Variants in SH3KBP1 observed in about 807,000 individuals in gnomAD.
SH3KBP1 encodes the protein SH3 domain-containing kinase-binding protein 1.
SH3KBP1 carries 8 observed loss-of-function variants against 50.1 expected under a neutral mutation model. That is an observed-to-expected ratio of 0.16 (90% CI 0.09 to 0.29). The LOEUF (loss-of-function observed/expected upper bound fraction) is 0.29. Among genes scored for constraint, SH3KBP1 ranks in the 10% least tolerant of loss-of-function variants. The pLI is 1.00. For synonymous variants in SH3KBP1, 227 were observed against 218.6 expected, an observed-to-expected ratio of 1.04 and a Z score of -0.34; for missense variants, 377 against 535.2, an observed-to-expected ratio of 0.70 and a Z score of 2.92.
chrX:19,738,844 C>T (rs2064681600), intron 3 of SH3KBP1, among the ~76,000 whole-genome samples: 2 of 107,397 alleles, frequency 1.9e-5, no homozygotes, highest in African/African-American at 6.8e-5. Context: ...AATCCCGTCT[C>T]TACTAAAAAT....
intron 9 of SH3KBP1, among the ~76,000 whole-genome samples, chrX:19,604,546 AATG>A (rs1331756905): frequency 8.9e-6 from 1 of 112,108 alleles, no homozygotes; most frequent in Non-Finnish European, 1.9e-5. Context: ...TTTCTGGGTG[AATG>A]ATTGTAACCC....
chrX:19,683,720 G>A (rs1602996192), intron 6 of SH3KBP1, 103 bp downstream of exon 6: 7 of 739,775 alleles, frequency 9.5e-6, no homozygotes, highest in Non-Finnish European at 1.5e-5. Flanking sequence ...TGAGGACATG[G>A]AAACCCTAAA....
chrX:19,882,463 G>C (rs1356834869), intron 1 of SH3KBP1, among the ~76,000 whole-genome samples: 2 of 111,367 alleles, frequency 1.8e-5, no homozygotes, highest in Non-Finnish European at 3.8e-5. Context: ...GGGAGAGAGA[G>C]CTGCCCAGCC....
intron 12 of SH3KBP1, among the ~76,000 whole-genome samples, chrX:19,573,348 G>A (rs1384836903): frequency 4.5e-5 from 5 of 111,424 alleles, no homozygotes; most frequent in Middle Eastern, 4.2e-3. Context: ...GTGCAGTGGC[G>A]TAATCTTGGC....
chrX:19,734,725 TTCTA>T (rs1362243386), intron 3 of SH3KBP1, among the ~76,000 whole-genome samples: 1 of 112,062 alleles, frequency 8.9e-6, no homozygotes, highest in Admixed American at 9.5e-5. Context: ...CTAATCTACT[TTCTA>T]TCTCTAGGGA....
chrX:19,754,803 C>T (rs2065161547), intron 2 of SH3KBP1, among the ~76,000 whole-genome samples: 1 of 111,685 alleles, frequency 9.0e-6, no homozygotes, highest in African/African-American at 3.3e-5. Flanking sequence ...CCATCAACTT[C>T]TCACCTTAAA....
At chrX:19,874,125 T>C (rs1456819409) in intron 1 of SH3KBP1, among the ~76,000 whole-genome samples, 2 of 97,423 alleles carry the variant, frequency 2.1e-5, no homozygotes, top group Non-Finnish European at 4.0e-5. Context: ...AAAATCACAG[T>C]TATTCTAGAG....
At position 19,550,064 on chromosome X, in the gene SH3KBP1, G is replaced by A. The variant is rs139733939; in HGVS notation, c.1404C>T (p.Ser468=). 11 of 1,204,057 alleles carry A rather than the reference G, an allele frequency of 9.1e-6. No individual in the cohort carries two copies. In the African/African-American group the frequency reaches 1.4e-4, roughly 15 times the overall value. ...SNDIDLEGFD[S]VVSSTEKLSH... is the part of the protein sequence containing the mutation. ...TGAGTTTCTCAGTAGATGATACCAC[G>A]GAGTCAAAACCTTCTAAGTCTAAAA... Residue 468 remains serine, a synonymous_variant, in exon 14 of 18, where the codon TCC becomes TCT. Coordinates refer to ENST00000397821, the MANE Select transcript of SH3KBP1 (RefSeq NM_031892.3).
At chrX:19,734,987 T>C (rs775069571) in intron 3 of SH3KBP1, among the ~76,000 whole-genome samples, 14 of 112,328 alleles carry the variant, frequency 1.2e-4, no homozygotes, top group Non-Finnish European at 2.3e-4. Context: ...TGTACAGTTA[T>C]GTGTGGACAT....
chrX:19,791,221 T>C (rs1189076328), intron 2 of SH3KBP1, among the ~76,000 whole-genome samples: 1 of 111,484 alleles, frequency 9.0e-6, no homozygotes, highest in African/African-American at 3.3e-5. Flanking sequence ...CAAGTCAAGC[T>C]ATATATTGCT....
chrX:19,873,440 G>A (rs898231071), intron 1 of SH3KBP1, among the ~76,000 whole-genome samples: 2 of 106,979 alleles, frequency 1.9e-5, no homozygotes, highest in Non-Finnish European at 3.8e-5. Flanking sequence ...GGAGGCCAAG[G>A]TGGGTGGATC....
intron 16 of SH3KBP1, among the ~76,000 whole-genome samples, chrX:19,539,882 G>C (rs1398408482): frequency 2.7e-5 from 3 of 111,874 alleles, no homozygotes; most frequent in African/African-American, 9.8e-5. Flanking sequence ...AAGAGATGTT[G>C]GCCGGGGAAA....
At chrX:19,853,161 T>C (rs2068556620) in intron 1 of SH3KBP1, among the ~76,000 whole-genome samples, 1 of 112,653 alleles carries the variant, frequency 8.9e-6, no homozygotes, top group Non-Finnish European at 1.9e-5. Flanking sequence ...TGTGCACGTG[T>C]GTGTGTGTGT....
chrX:19,596,988 TC>T (rs1569324183), intron 9 of SH3KBP1, among the ~76,000 whole-genome samples: 1 of 111,858 alleles, frequency 8.9e-6, no homozygotes, highest in Non-Finnish European at 1.9e-5. Flanking sequence ...TTTGACCTCC[TC>T]CCATGAATCA....
chrX:19,553,164 G>A (rs900955813), intron 13 of SH3KBP1, among the ~76,000 whole-genome samples: 1 of 111,445 alleles, frequency 9.0e-6, no homozygotes, highest in Non-Finnish European at 1.9e-5. Context: ...AATGCAGAGA[G>A]CCAGGGGAGG....
chrX:19,806,494 C>T (rs926210300), intron 2 of SH3KBP1, among the ~76,000 whole-genome samples: 7 of 111,021 alleles, frequency 6.3e-5, no homozygotes, highest in Admixed American at 3.8e-4. Flanking sequence ...CCAGCCTGGG[C>T]GACACAGCGA....
intron 6 of SH3KBP1, among the ~76,000 whole-genome samples, chrX:19,675,078 CAAAT>C (rs112493377): frequency 2.5e-4 from 27 of 106,689 alleles, no homozygotes; most frequent in Admixed American, 8.0e-4. Context: ...GACCCTGCCT[CAAAT>C]AAATAAATAA....
intron 9 of SH3KBP1, among the ~76,000 whole-genome samples, chrX:19,604,277 G>A (rs1301858079): frequency 9.0e-6 from 1 of 111,593 alleles, no homozygotes; most frequent in Non-Finnish European, 1.9e-5. Context: ...AGAGATCAAC[G>A]GATGCTCTTC....
chrX:19,748,336 C>T (rs1025631411), intron 2 of SH3KBP1, among the ~76,000 whole-genome samples: 1 of 111,593 alleles, frequency 9.0e-6, no homozygotes, highest in Admixed American at 9.5e-5. Context: ...GGAGAAGCAG[C>T]GCCAGCATTG....
Sources: gnomAD v4.1 joint callset for allele counts (sites outside exome capture counted in the v4.1 genomes callset) on GRCh38, gnomAD v4.1.1 for gene constraint, MANE v1.5 for transcripts, NCBI Gene and HGNC (gene_info 2026-07-23, HGNC 2026-07-21) for gene names.